Variants in LIPF observed in about 807,000 individuals in gnomAD.
LIPF encodes the protein gastric triacylglycerol lipase.
Under a neutral mutation model 38.0 loss-of-function variants are expected in LIPF, and 25 were observed. The observed-to-expected ratio is 0.66, with a 90% CI of 0.48 to 0.92. LIPF has a LOEUF of 0.92. Ranked by LOEUF, LIPF falls within the 40% of genes least tolerant of loss-of-function variation. The probability of loss-of-function intolerance (pLI) is 0.00; values close to 1 mark genes in which losing one functional copy is unlikely to be tolerated. For missense variants in LIPF, 410 were observed against 469.9 expected (o/e 0.87, Z 1.18); for synonymous variants, 161 against 156.2 (o/e 1.03, Z -0.23).
intron 1 of LIPF, among the ~76,000 whole-genome samples, chr10:88,667,047 CA>C (rs1462701596): frequency 6.6e-6 from 1 of 151,166 alleles, no homozygotes; most frequent in Non-Finnish European, 1.5e-5. Context: ...TGTTCTTAAA[CA>C]AAAGGAATCA....
intron 9 of LIPF, 88 bp from the exon 10 acceptor site, chr10:88,678,357 G>T: frequency 1.0e-6 from 1 of 964,416 alleles, no homozygotes; most frequent in Non-Finnish European, 1.7e-6. Flanking sequence ...AAAACCGCCA[G>T]TTAATGTTAT....
At chr10:88,665,353 C>T (rs1027406862) in intron 1 of LIPF, 18 of 532,666 alleles carry the variant, frequency 3.4e-5, no homozygotes. Flanking sequence ...TGTACTATTA[C>T]AGGCCCTGTT....
intron 6 of LIPF, among the ~76,000 whole-genome samples, 163 bp from the exon 7 acceptor site, chr10:88,673,425 A>C (rs1217709190): frequency 6.6e-6 from 1 of 152,252 alleles, no homozygotes; most frequent in Non-Finnish European, 1.5e-5. Flanking sequence ...CAACTTTATT[A>C]GGGAATTAAC....
In LIPF at chr10:88,678,435, T is replaced by C. The variant is rs568983079; in HGVS notation, c.961-10T>C. The C allele has an allele frequency of 1.9e-6, 3 of 1,597,340 alleles. No homozygotes were observed. The East Asian group carries it at 6.7e-5, about 36-fold the overall frequency. ...ACCTAAACTCTGGTTCTTTCTCTTG[T>C]GTTTTCTAGTCCCAACCTCCCTACT... On this transcript the variant is annotated splice_polypyrimidine_tract_variant and intron_variant, in intron 9 of 9. Coordinates refer to ENST00000238983, the MANE Select transcript of LIPF (RefSeq NM_004190.4).
At chr10:88,671,533 A>G (rs901152855) in intron 5 of LIPF, among the ~76,000 whole-genome samples, 3 of 152,206 alleles carry the variant, frequency 2.0e-5, no homozygotes, top group Non-Finnish European at 2.9e-5. Flanking sequence ...GAAATTCATA[A>G]AAAAATTTTT....
At chr10:88,670,078 G>A in intron 5 of LIPF, 132 bp downstream of exon 5, 3 of 648,746 alleles carry the variant, frequency 4.6e-6, no homozygotes, top group Non-Finnish European at 5.6e-6. Flanking sequence ...AATGACATAG[G>A]GACAATTATA....
rs1174759085 is a variant in LIPF, at chr10:88,678,457, T to C, written c.973T>C (p.Tyr325His). 1 of 1,613,486 alleles carries C rather than the reference T, an allele frequency of 6.2e-7. No individual in the cohort carries two copies. Among genetic ancestry groups the C allele is most frequent in the Admixed American group, 1.7e-5 (1 of 60,018 alleles). Reference protein sequence around the residue: ...RMHYDQSQPPYYNVTAMNVPI... With the variant: ...RMHYDQSQPPHYNVTAMNVPI... ...TTGTGTTTTCTAGTCCCAACCTCCC[T>C]ACTACAATGTGACAGCCATGAATGT... Residue 325 changes from tyrosine to histidine, a missense_variant, in exon 10 of 10, where the codon TAC becomes CAC. By Grantham distance (83) the Tyr-to-His change is moderately conservative. Transcript: ENST00000238983.
At chr10:88,668,497 C>A (rs1357846680) in intron 3 of LIPF, 61 bp from the exon 4 acceptor site, 10 of 1,455,092 alleles carry the variant, frequency 6.9e-6, no homozygotes, top group Non-Finnish European at 9.6e-6. Flanking sequence ...TGTTTCTAGC[C>A]TCACATTTAT....
intron 5 of LIPF, 85 bp downstream of exon 5, chr10:88,670,031 T>G: frequency 1.3e-6 from 1 of 785,978 alleles, no homozygotes; most frequent in Non-Finnish European, 2.2e-6. Context: ...GCAACCACAC[T>G]AATTGCTTTC....
intron 1 of LIPF, among the ~76,000 whole-genome samples, chr10:88,665,219 G>A (rs764439881): frequency 6.6e-6 from 1 of 152,128 alleles, no homozygotes; most frequent in Non-Finnish European, 1.5e-5. Context: ...ACTTCATAGA[G>A]TTGCTATGAG....
Position 88,667,657 on chromosome 10 carries a change from C to T in LIPF, c.194C>T (p.Pro65Leu), listed in dbSNP as rs1841533624. 1 of 1,556,926 alleles carries T rather than the reference C, an allele frequency of 6.4e-7. No individual in the cohort carries two copies. The highest frequency in any genetic ancestry group is 8.8e-7 in the Non-Finnish European group (1 of 1,130,004). ...DGYILEVNRI[P>L]YGKKNSGNTG... Reference sequence around the variant, plus strand: ...TATATTCTTGAAGTCAATAGAATTCCTTATGGGAAGAAAAATTCAGGGAAT... The same window carrying T: ...TATATTCTTGAAGTCAATAGAATTCTTTATGGGAAGAAAAATTCAGGGAAT... Residue 65 changes from proline to leucine, a missense_variant, in exon 3 of 10, where the codon CCT (proline) becomes CTT (leucine). Transcript: ENST00000238983.
At chr10:88,669,808 T>A (rs367681207) in intron 4 of LIPF, 29 bp from the exon 5 acceptor site, 101 of 1,423,552 alleles carry the variant, frequency 7.1e-5, no homozygotes, top group Non-Finnish European at 9.7e-5. Context: ...GGAAATGTAT[T>A]CACTTTCATT....
At chr10:88,670,848 A>G (rs899278584) in intron 5 of LIPF, among the ~76,000 whole-genome samples, 1 of 152,166 alleles carries the variant, frequency 6.6e-6, no homozygotes, top group Admixed American at 6.6e-5. Flanking sequence ...CCAGGGGCAA[A>G]GAGGCAGGAG....
chr10:88,673,653 G>C lies in LIPF; in HGVS notation c.735G>C (p.Val245=), dbSNP rs1332435310. 6.2e-7 allele frequency: 1 copy of C among 1,611,764 alleles called. No individual in the cohort carries two copies. Among genetic ancestry groups the C allele is most frequent in the East Asian group, 2.2e-5 (1 of 44,848 alleles). Residue 245 remains valine, a synonymous_variant, in exon 7 of 10, where the codon GTG becomes GTC. Transcript: ENST00000238983. ...NFFDQFLATE[V]CSREMLNLLC... is the part of the protein sequence containing the mutation. ...TTGATCAATTTCTTGCTACTGAAGT[G>C]TGCTCCCGTGAGATGCTGAATCTCC... is the stretch of plus-strand genomic sequence containing the variant.
At chr10:88,670,602 G>C (rs528625461) in intron 5 of LIPF, among the ~76,000 whole-genome samples, 1 of 152,252 alleles carries the variant, frequency 6.6e-6, no homozygotes, top group South Asian at 2.1e-4. Context: ...TCTGAAGCTG[G>C]AGCACACCTA....
In LIPF at chr10:88,667,812, A is replaced by G. The variant is rs1176403117; in HGVS notation, c.223+126A>G. Reference sequence around the variant, plus strand: ...TTGTTCTTCCCTTTTTCCTCCTTTTATTTCTTGCTAAAAATGTAATGTCTT... The same window carrying G: ...TTGTTCTTCCCTTTTTCCTCCTTTTGTTTCTTGCTAAAAATGTAATGTCTT... On this transcript the variant is annotated intron_variant, in intron 3 of 9. Coordinates refer to ENST00000238983, the MANE Select transcript of LIPF (RefSeq NM_004190.4). 2.3e-5 allele frequency: 13 copies of G among 562,746 alleles called. No individual in the cohort carries two copies. The East Asian group carries it at 3.6e-4, about 15-fold the overall frequency. 34.9% of individuals were successfully genotyped at this position (562,746 alleles called of 1,614,324 possible).
chr10:88,667,078 G>A (rs1310763006), intron 1 of LIPF, among the ~76,000 whole-genome samples: 2 of 151,892 alleles, frequency 1.3e-5, no homozygotes, highest in South Asian at 2.1e-4. Flanking sequence ...AACAAGTTAA[G>A]CATTAAAAGC....
chr10:88,667,619 G>A lies in LIPF; in HGVS notation c.156G>A (p.Val52=), dbSNP rs1346059787. The A allele has an allele frequency of 4.4e-6, 7 of 1,604,334 alleles. No homozygotes were observed. The highest frequency in any genetic ancestry group is 1.7e-5 in the Admixed American group (1 of 59,960). ...WGYPNEEYEV[V]TEDGYILEVN... ...ACCCAAATGAAGAATATGAAGTTGT[G>A]ACTGAAGATGGTTATATTCTTGAAG... The change falls in exon 3 of 10, where the codon GTG becomes GTA. Residue 52 remains valine (V), a synonymous_variant. Transcript: ENST00000238983.
At position 88,671,997 on chromosome 10, in the gene LIPF, A is replaced by G. The variant is rs200992463; in HGVS notation, c.669+32A>G. On this transcript the variant is annotated intron_variant, in intron 6 of 9. Transcript: ENST00000238983. ...AATTCTCTTTAATTAAGTGAATCTA[A>G]GACCCTTGATTGCCCATGGATTTTA... is the stretch of plus-strand genomic sequence containing the variant. The G allele has an allele frequency of 1.0e-5, 16 of 1,573,806 alleles. No homozygotes were observed. The East Asian group carries it at 3.6e-4, about 35-fold the overall frequency.
Sources: gnomAD v4.1 joint callset for allele counts (sites outside exome capture counted in the v4.1 genomes callset) on GRCh38, gnomAD v4.1.1 for gene constraint, MANE v1.5 for transcripts, NCBI Gene and HGNC (gene_info 2026-07-23, HGNC 2026-07-21) for gene names.